The following TIAM1 variants were observed in gnomAD, a reference collection of about 807,000 sequenced individuals.
The protein encoded by TIAM1 is TIAM Rac1 associated GEF 1.
In TIAM1, 65 loss-of-function variants were observed where a neutral mutation model predicts 163.5. The ratio of observed to expected loss-of-function variants is 0.40; its 90% CI spans 0.33 to 0.49. The LOEUF (loss-of-function observed/expected upper bound fraction) is 0.49, where lower values mean the gene tolerates loss of function less well. TIAM1 is among the 20% of genes least tolerant of loss of function. The probability of loss-of-function intolerance (pLI) is 0.77; values close to 1 mark genes in which losing one functional copy is unlikely to be tolerated. For synonymous variants in TIAM1, 833 were observed against 810.1 expected (o/e 1.03, Z -0.48); for missense variants, 1,789 against 2,044.7 (o/e 0.87, Z 2.41).
At chr21:31,339,468 T>C (rs2075951531) in intron 1 of TIAM1, 46 bp from the exon 2 acceptor site, 1 of 398,586 alleles carries the variant, frequency 2.5e-6, no homozygotes, top group Non-Finnish European at 4.4e-6. Context: ...GCTTCGTTTT[T>C]ACATACCTCT....
At chr21:31,133,038 C>A (rs900502613) in intron 23 of TIAM1, among the ~76,000 whole-genome samples, 1 of 152,170 alleles carries the variant, frequency 6.6e-6, no homozygotes, top group African/African-American at 2.4e-5. Flanking sequence ...GAGGTTTAAA[C>A]CAAAACAAGA....
intron 8 of TIAM1, among the ~76,000 whole-genome samples, chr21:31,218,841 G>A (rs1175475555): frequency 1.3e-5 from 2 of 151,990 alleles, no homozygotes; most frequent in African/African-American, 4.8e-5. Flanking sequence ...CCTTTTCAAG[G>A]ATGGCAGAAT....
At chr21:31,173,007 C>G (rs545433337) in intron 15 of TIAM1, among the ~76,000 whole-genome samples, 140 of 152,240 alleles carry the variant, frequency 9.2e-4, no homozygotes, top group African/African-American at 3.1e-3. Flanking sequence ...CAATCAGTAC[C>G]TCTGACGCAC....
intron 22 of TIAM1, among the ~76,000 whole-genome samples, chr21:31,136,670 C>G (rs1219729128): frequency 6.6e-6 from 1 of 152,120 alleles, no homozygotes; most frequent in East Asian, 1.9e-4. Flanking sequence ...AACTGGGGCT[C>G]TGAAATTCAC....
intron 16 of TIAM1, among the ~76,000 whole-genome samples, chr21:31,154,874 T>C (rs764336438): frequency 6.6e-6 from 1 of 152,226 alleles, no homozygotes; most frequent in African/African-American, 2.4e-5. Flanking sequence ...ACAAGCCTCA[T>C]TAATTATCAG....
intron 1 of TIAM1, among the ~76,000 whole-genome samples, chr21:31,498,661 C>T (rs1230581862): frequency 6.6e-6 from 1 of 152,160 alleles, no homozygotes; most frequent in Non-Finnish European, 1.5e-5. Flanking sequence ...AAAACAGGGT[C>T]CTGGCCAGAC....
At chr21:31,129,133 A>C (rs2082316321) in intron 25 of TIAM1, among the ~76,000 whole-genome samples, 1 of 152,180 alleles carries the variant, frequency 6.6e-6, no homozygotes, top group African/African-American at 2.4e-5. Context: ...GTGGCTAAAG[A>C]GTTTCCATTT....
chr21:31,321,431 C>T (rs1161971245), intron 2 of TIAM1, among the ~76,000 whole-genome samples: 2 of 152,164 alleles, frequency 1.3e-5, no homozygotes, highest in Non-Finnish European at 2.9e-5. Context: ...TGGCTCACTG[C>T]AACCTCCGCC....
intron 2 of TIAM1, among the ~76,000 whole-genome samples, chr21:31,298,807 AG>A: frequency 6.6e-6 from 1 of 150,790 alleles, no homozygotes. Flanking sequence ...AATGAGAGAG[AG>A]AGAGAGAGAG....
At chr21:31,340,158 T>A (rs1246667172) in intron 1 of TIAM1, among the ~76,000 whole-genome samples, 2 of 151,294 alleles carry the variant, frequency 1.3e-5, no homozygotes, top group Non-Finnish European at 2.9e-5. Flanking sequence ...TCCCTTTCCA[T>A]CCCCAGTCCA....
intron 2 of TIAM1, among the ~76,000 whole-genome samples, chr21:31,458,149 G>A (rs1008398531): frequency 6.6e-6 from 1 of 152,178 alleles, no homozygotes; most frequent in Non-Finnish European, 1.5e-5. Flanking sequence ...GCCGGGTGCG[G>A]GGGCTCACGC....
chr21:31,508,695 T>C (rs190136928), intron 1 of TIAM1, among the ~76,000 whole-genome samples: 1 of 152,274 alleles, frequency 6.6e-6, no homozygotes, highest in Admixed American at 6.5e-5. Context: ...CAGACTCATC[T>C]TGAAATTTCT....
chr21:31,211,242 AACCTAAGCAAGCTAAG>A (rs1324968495), intron 10 of TIAM1, among the ~76,000 whole-genome samples: 1 of 152,162 alleles, frequency 6.6e-6, no homozygotes, highest in Non-Finnish European at 1.5e-5. Context: ...AGCTGGGTTA[AACCTAAGCAAGCTAAG>A]CAGATGAAGC....
chr21:31,272,880 A>G (rs369039895), intron 3 of TIAM1, among the ~76,000 whole-genome samples: 14 of 152,320 alleles, frequency 9.2e-5, no homozygotes, highest in South Asian at 4.1e-4. Flanking sequence ...CAAAGCAAAC[A>G]GAACAGTGGT....
chr21:31,236,854 C>T (rs1338344865), intron 6 of TIAM1, among the ~76,000 whole-genome samples: 1 of 152,120 alleles, frequency 6.6e-6, no homozygotes, highest in Non-Finnish European at 1.5e-5. Flanking sequence ...GGCACGCTTA[C>T]AAGTAAGAAC....
intron 1 of TIAM1, among the ~76,000 whole-genome samples, chr21:31,528,398 A>G (rs1031836390): frequency 2.0e-5 from 3 of 152,116 alleles, no homozygotes; most frequent in Non-Finnish European, 4.4e-5. Flanking sequence ...CTAGCTACTC[A>G]GTCCTAGCTA....
intron 1 of TIAM1, among the ~76,000 whole-genome samples, chr21:31,521,365 T>G (rs2047577456): frequency 6.6e-6 from 1 of 152,188 alleles, no homozygotes. Context: ...AGTCATTAGC[T>G]GCATGACCCT....
intron 14 of TIAM1, among the ~76,000 whole-genome samples, chr21:31,184,404 C>A (rs1044241575): frequency 5.9e-5 from 9 of 152,266 alleles, no homozygotes; most frequent in African/African-American, 1.9e-4. Context: ...CCGTGCCCGG[C>A]CAATTCACAG....
At chr21:31,512,607 TTTTTC>T (rs1244289137) in intron 1 of TIAM1, among the ~76,000 whole-genome samples, 2 of 147,468 alleles carry the variant, frequency 1.4e-5, no homozygotes, top group Non-Finnish European at 3.0e-5. Context: ...GTCTTTTTCT[TTTTTC>T]TTTTCTTTTT....
Sources: allele counts gnomAD v4.1 joint callset (sites outside exome capture counted in the v4.1 genomes callset), GRCh38; gene constraint gnomAD v4.1.1; transcripts MANE v1.5; gene names NCBI Gene and HGNC (gene_info 2026-07-23, HGNC 2026-07-21).